TYMS: variants seen among roughly 807,000 people sequenced by gnomAD.
TYMS encodes thymidylate synthetase.
Under a neutral mutation model 39.3 loss-of-function variants are expected in TYMS, and 21 were observed. The ratio of observed to expected loss-of-function variants is 0.54; its 90% CI spans 0.38 to 0.77. The LOEUF is 0.77. TYMS is among the 30% of genes least tolerant of loss of function. The pLI is 0.00. For missense variants in TYMS, 273 were observed against 406.7 expected (o/e 0.67, Z 2.83); for synonymous variants, 171 against 162.2 (o/e 1.05, Z -0.41).
At chr18:665,105 C>T (rs1447440877) in intron 3 of TYMS, among the ~76,000 whole-genome samples, 1 of 151,906 alleles carries the variant, frequency 6.6e-6, no homozygotes, top group Non-Finnish European at 1.5e-5. Context: ...ACCAGTTCCT[C>T]TTTGTACCTC....
chr18:671,499 A>G (rs2075048853), intron 6 of TYMS, 48 bp downstream of exon 6: 1 of 1,221,208 alleles, frequency 8.2e-7, no homozygotes, highest in African/African-American at 1.5e-5. Flanking sequence ...TCTCTTGATA[A>G]AAGGTTGACT....
In TYMS at chr18:673,120, T is replaced by C. The variant is rs2075142765; in HGVS notation, c.*123T>C. On this transcript the variant is annotated 3_prime_UTR_variant, in exon 7 of 7. Coordinates refer to ENST00000323274, the MANE Select transcript of TYMS (RefSeq NM_001071.4). ...AGGTCAAAAATCTGTCCGTGACCTA[T>C]CAGTTATTAATTTTTAAGGATGTTG... 2.7e-6 allele frequency: 3 copies of C among 1,091,910 alleles called. No homozygotes were observed. Among genetic ancestry groups the C allele is most frequent in the Admixed American group, 4.9e-5 (2 of 40,756 alleles). 67.6% of individuals were successfully genotyped at this position (1,091,910 alleles called of 1,614,324 possible).
Position 657,904 on chromosome 18 carries a change from C to T in TYMS, c.162C>T (p.Gly54=), listed in dbSNP as rs1439434894. The T allele has an allele frequency of 6.6e-7, 1 of 1,513,748 alleles. No individual in the cohort carries two copies. Among genetic ancestry groups the T allele is most frequent in the South Asian group, 1.3e-5 (1 of 74,076 alleles). 93.8% of individuals were successfully genotyped at this position (1,513,748 alleles called of 1,614,324 possible). Residue 54 remains glycine, a synonymous_variant, in exon 1 of 7, where the codon GGC becomes GGT. Coordinates refer to ENST00000323274, the MANE Select transcript of TYMS (RefSeq NM_001071.4). ...GVRKDDRTGT[G]TLSVFGMQAR... ...GGAAGGACGACCGCACGGGCACCGGCACCCTGTCGGTATTCGGCATGCAGG... is the reference window on the plus strand; with the variant it reads ...GGAAGGACGACCGCACGGGCACCGGTACCCTGTCGGTATTCGGCATGCAGG...
rs1567986805 is a variant in TYMS, at chr18:660,593, G to GTGTTCCCA, written c.279+885_279+892dup. 6.6e-6 allele frequency among the ~76,000 whole-genome samples: 1 copy of GTGTTCCCA among 152,186 alleles called. No homozygotes were observed. Among genetic ancestry groups the GTGTTCCCA allele is most frequent in the Non-Finnish European group, 1.5e-5 (1 of 68,048 alleles). On this transcript the variant is annotated intron_variant, in intron 2 of 6. Coordinates refer to ENST00000323274, the MANE Select transcript of TYMS (RefSeq NM_001071.4). This position sits in a 1 kb window ranked among gnomAD's most constrained non-coding sequence, Gnocchi z 4.6. ...TGATCACTAAATGTAGATACCACCTGTGTTCCCATGTTCATATAAATTCTA... is the reference window on the plus strand; with the variant it reads ...TGATCACTAAATGTAGATACCACCTGTGTTCCCATGTTCCCATGTTCATATAAATTCTA...
Position 668,251 on chromosome 18 carries a change from C to G in TYMS, c.455-821C>G, listed in dbSNP as rs555250327. On this transcript the variant is annotated intron_variant, in intron 3 of 6. Coordinates refer to ENST00000323274, the MANE Select transcript of TYMS (RefSeq NM_001071.4). ...CATCTTTTTAAAATCTTTGATGTTA[C>G]CTTTTTCGGAACAGTGACCATGAGA... Among the ~76,000 whole-genome samples the G allele has an allele frequency of 3.4e-4, 51 of 151,864 alleles. 1 individual carries two copies. Among genetic ancestry groups the G allele is most frequent in the African/African-American group, 1.2e-3 (49 of 41,446 alleles).
chr18:670,737 T>C lies in TYMS; in HGVS notation c.602T>C (p.Phe201Ser). 1 of 1,614,174 alleles carries C rather than the reference T, an allele frequency of 6.2e-7. No homozygotes were observed. The highest frequency in any genetic ancestry group is 8.5e-7 in the Non-Finnish European group (1 of 1,180,030). ...CCTCCATGCCATGCCCTCTGCCAGT[T>C]CTATGTGGTGAACAGTGAGCTGTCC... is the stretch of plus-strand genomic sequence containing the variant. ...ALPPCHALCQ[F>S]YVVNSELSCQ... Residue 201 changes from phenylalanine (F) to serine (S), a missense_variant, in exon 5 of 7, where the codon TTC becomes TCC. Around this residue, in one of 3 missense-constraint regions of TYMS, gnomAD observed 228 missense variants for 326.1 expected, o/e 0.70. Transcript: ENST00000323274.
rs1272529476 is a variant in TYMS, at chr18:667,071, TGATGGA to T, written c.455-1995_455-1990del. Among the ~76,000 whole-genome samples the T allele has an allele frequency of 6.6e-4, 33 of 49,700 alleles. 6 individuals carry two copies. Among genetic ancestry groups the T allele is most frequent in the South Asian group, 2.8e-3 (4 of 1,452 alleles). 32.6% of individuals were successfully genotyped at this position (49,700 alleles called of 152,430 possible). A position where few individuals can be genotyped will look rare whatever the true frequency, so the allele number is the denominator to read the frequency against. On this transcript the variant is annotated intron_variant, in intron 3 of 6. Coordinates refer to ENST00000323274, the MANE Select transcript of TYMS (RefSeq NM_001071.4). The stretch of plus-strand genomic sequence containing the variant: ...GTGATGGAGATGGAGATGGTGATGG[TGATGGA>T]GATGGTGATGGTGATGGAGATGGAG...
At position 658,398 on chromosome 18, in the gene TYMS, A is replaced by T. The variant is rs2074717073; in HGVS notation, c.205+451A>T. On this transcript the variant is annotated intron_variant, in intron 1 of 6. Transcript: ENST00000323274. This position sits in a 1 kb window ranked among gnomAD's most constrained non-coding sequence, Gnocchi z 4.5. The stretch of plus-strand genomic sequence containing the variant: ...GTTTTCAAAAACTGGAGCGAAAGTG[A>T]TGTGGGCGGGGCAAAGGCGGCGGGA... The T allele has an allele frequency of 5.7e-6, 7 of 1,236,052 alleles. No homozygotes were observed. In the South Asian group the frequency reaches 9.4e-5, roughly 17 times the overall value. 76.6% of individuals were successfully genotyped at this position (1,236,052 alleles called of 1,614,324 possible). A position where few individuals can be genotyped will look rare whatever the true frequency, so the allele number is the denominator to read the frequency against.
intron 3 of TYMS, among the ~76,000 whole-genome samples, chr18:667,553 A>AGATGGTGATGGAGATGGTGATGGT (rs2074878713): frequency 5.4e-5 from 1 of 18,572 alleles, no homozygotes; most frequent in African/African-American, 5.4e-4. Flanking sequence ...ATGGTGATGG[A>AGATGGTGATGGAGATGGTGATGGT]GATGGTGATG....
intron 6 of TYMS, 60 bp from the exon 7 acceptor site, chr18:672,800 A>G (rs1349601944): frequency 6.6e-7 from 1 of 1,505,412 alleles, no homozygotes; most frequent in Non-Finnish European, 9.0e-7. Flanking sequence ...CACGGACATG[A>G]GGAGCAATTA....
intron 6 of TYMS, chr18:672,236 G>T (rs2144402348): frequency 6.6e-6 from 1 of 152,336 alleles, no homozygotes; most frequent in South Asian, 2.1e-4. Flanking sequence ...AAAAAACTCA[G>T]AACCAGACAC....
At position 660,609 on chromosome 18, in the gene TYMS, A is replaced by G. The variant is rs1371186593; in HGVS notation, c.279+895A>G. On this transcript the variant is annotated intron_variant, in intron 2 of 6. Transcript: ENST00000323274. The surrounding 1 kb of genome is among the most constrained non-coding windows in gnomAD (Gnocchi z 4.6). The stretch of plus-strand genomic sequence containing the variant: ...ATACCACCTGTGTTCCCATGTTCAT[A>G]TAAATTCTAGAAGAGTCTCTTCAGT... Among the ~76,000 whole-genome samples, 1 of 152,218 alleles carries G rather than the reference A, an allele frequency of 6.6e-6. No individual in the cohort carries two copies. Among genetic ancestry groups the G allele is most frequent in the African/African-American group, 2.4e-5 (1 of 41,456 alleles).
chr18:672,448 C>A (rs901834005), intron 6 of TYMS: 1 of 155,132 alleles, frequency 6.4e-6, no homozygotes, highest in African/African-American at 2.4e-5. Flanking sequence ...GGCTTTCATC[C>A]CTTTCTGTTC....
At position 658,014 on chromosome 18, in the gene TYMS, G is replaced by C; in HGVS notation, c.205+67G>C. The C allele has an allele frequency of 1.3e-6, 2 of 1,526,632 alleles. No homozygotes were observed. The highest frequency in any genetic ancestry group is 1.8e-6 in the Non-Finnish European group (2 of 1,138,644). The allele number at this position is 1,526,632 out of a possible 1,614,324, so 94.6% of individuals were successfully genotyped here. ...GGAGGCGCGGCTGGGGAGAGCGCTCGGGAGCTGCCGGGCGCTGCGGACCCC... is the reference window on the plus strand; with the variant it reads ...GGAGGCGCGGCTGGGGAGAGCGCTCCGGAGCTGCCGGGCGCTGCGGACCCC... On this transcript the variant is annotated intron_variant, in intron 1 of 6. Coordinates refer to ENST00000323274, the MANE Select transcript of TYMS (RefSeq NM_001071.4). The surrounding 1 kb of genome is among the most constrained non-coding windows in gnomAD (Gnocchi z 4.5).
chr18:663,976 C>T, intron 3 of TYMS, among the ~76,000 whole-genome samples: 1 of 100,374 alleles, frequency 1.0e-5, no homozygotes, highest in Non-Finnish European at 1.9e-5. Flanking sequence ...GTTCTTTTGG[C>T]TTAGGATTGA....
rs1010801517 is a variant in TYMS at position 660,382 on chromosome 18, C to T, written c.279+668C>T. 3.3e-5 allele frequency among the ~76,000 whole-genome samples: 5 copies of T among 152,190 alleles called. No individual in the cohort carries two copies. Among genetic ancestry groups the T allele is most frequent in the East Asian group, 1.9e-4 (1 of 5,194 alleles). ...TCCCCCAACCTCCTTGGTGTTTCTC[C>T]ATAGACGAACATCACCATCTGATGT... is the stretch of plus-strand genomic sequence containing the variant. On this transcript the variant is annotated intron_variant, in intron 2 of 6. Coordinates refer to ENST00000323274, the MANE Select transcript of TYMS (RefSeq NM_001071.4). The surrounding 1 kb of genome is among the most constrained non-coding windows in gnomAD (Gnocchi z 4.6).
intron 3 of TYMS, among the ~76,000 whole-genome samples, chr18:665,154 CTT>C (rs764017662): frequency 0.17 from 25,694 of 150,588 alleles, 2,525 homozygotes; most frequent in African/African-American, 0.29. Flanking sequence ...GTCCTGGACT[CTT>C]TTTGGTTGGT....
rs2074748823 is a variant in TYMS at position 660,754 on chromosome 18, A to C, written c.279+1040A>C. Reference sequence around the variant, plus strand: ...GTGTTCCGTGTCCTGGTCTAGAACCAGCGATGTTCTTTCTGACCAGTGCTT... The same window carrying C: ...GTGTTCCGTGTCCTGGTCTAGAACCCGCGATGTTCTTTCTGACCAGTGCTT... On this transcript the variant is annotated intron_variant, in intron 2 of 6. Coordinates refer to ENST00000323274, the MANE Select transcript of TYMS (RefSeq NM_001071.4). The surrounding 1 kb of genome is among the most constrained non-coding windows in gnomAD (Gnocchi z 4.6). Among the ~76,000 whole-genome samples the C allele has an allele frequency of 6.6e-6, 1 of 152,156 alleles. No homozygotes were observed. The highest frequency in any genetic ancestry group is 6.5e-5 in the Admixed American group (1 of 15,268).
chr18:668,950 C>T (rs2074920821), intron 3 of TYMS, 122 bp from the exon 4 acceptor site: 3 of 714,776 alleles, frequency 4.2e-6, no homozygotes, highest in Non-Finnish European at 6.8e-6. Context: ...CACCAGATGT[C>T]TTGTAGCCAT....
Sources: allele counts gnomAD v4.1 joint callset (sites outside exome capture counted in the v4.1 genomes callset), GRCh38; gene constraint gnomAD v4.1.1; regional missense constraint gnomAD v4.1.1; non-coding constraint Gnocchi (gnomAD v3.1); transcripts MANE v1.5; gene names NCBI Gene and HGNC (gene_info 2026-07-23, HGNC 2026-07-21).